DNAH11: variants seen among roughly 807,000 people sequenced by gnomAD.
The protein encoded by DNAH11 is axonemal beta dynein heavy chain 11.
DNAH11 carries 442 observed loss-of-function variants against 526.0 expected under a neutral mutation model. The ratio of observed to expected loss-of-function variants is 0.84; its 90% confidence interval spans 0.78 to 0.91. The LOEUF is 0.91. DNAH11 is among the 40% of genes least tolerant of loss of function. DNAH11 has a pLI of 0.00. For synonymous variants in DNAH11, 2,461 were observed against 1,935.9 expected, an observed-to-expected ratio of 1.27 and a Z score of -7.12; for missense variants, 6,989 against 5,448.7, an observed-to-expected ratio of 1.28 and a Z score of -8.90.
chr7:21,801,868 G>A (rs370104038), intron 62 of DNAH11, among the ~76,000 whole-genome samples: 28 of 152,272 alleles, frequency 1.8e-4, no homozygotes, highest in African/African-American at 6.0e-4. Flanking sequence ...AATGTTAATA[G>A]TTATTCCATT....
At chr7:21,843,186 G>GA (rs1326260383) in intron 66 of DNAH11, among the ~76,000 whole-genome samples, 2 of 152,112 alleles carry the variant, frequency 1.3e-5, no homozygotes, top group African/African-American at 2.4e-5. Flanking sequence ...AAACAATGCT[G>GA]AAAATACTGA....
At chr7:21,598,871 G>A (rs1212997463) in intron 14 of DNAH11, among the ~76,000 whole-genome samples, 1 of 152,164 alleles carries the variant, frequency 6.6e-6, no homozygotes, top group African/African-American at 2.4e-5. Flanking sequence ...AGTTTGCTGA[G>A]GATAATGGCC....
rs989750777 is a variant in DNAH11, at chr7:21,717,866, G to C, written c.7075G>C (p.Asp2359His). The change falls in exon 43 of 82, where the codon GAT becomes CAT. Residue 2359 changes from aspartate to histidine, a missense_variant. Physicochemically the swap from Asp to His is moderately conservative, Grantham distance 81. Coordinates refer to ENST00000409508, the MANE Select transcript of DNAH11 (RefSeq NM_001277115.2). The part of the protein sequence containing the change: ...LFDKYVPACL[D>H]KLRTSFKTIT... The stretch of plus-strand genomic sequence containing the variant: ...TGATAAATATGTCCCTGCATGCTTG[G>C]ATAAACTGAGAACAAGCTTTAAAAC... 35 of 1,613,876 alleles carry C rather than the reference G, an allele frequency of 2.2e-5. No individual in the cohort carries two copies. Among genetic ancestry groups the C allele is most frequent in the Non-Finnish European group, 3.0e-5 (35 of 1,179,808 alleles).
chr7:21,549,758 A>G (rs1365761799), intron 2 of DNAH11, among the ~76,000 whole-genome samples: 1 of 152,184 alleles, frequency 6.6e-6, no homozygotes, highest in Non-Finnish European at 1.5e-5. Context: ...CAACCCTGCA[A>G]TTGGGTAGTC....
intron 34 of DNAH11, 35 bp from the exon 35 acceptor site, chr7:21,690,730 C>G: frequency 3.4e-6 from 5 of 1,481,722 alleles, no homozygotes; most frequent in Non-Finnish European, 4.7e-6. Flanking sequence ...ATTCAATGAA[C>G]ACATTTAATT....
At chr7:21,844,356 C>T (rs1394445583) in intron 66 of DNAH11, among the ~76,000 whole-genome samples, 1 of 152,190 alleles carries the variant, frequency 6.6e-6, no homozygotes, top group African/African-American at 2.4e-5. Context: ...AACCCAGGGG[C>T]AGAGGTTGCA....
At chr7:21,608,173 C>G (rs1171217460) in intron 20 of DNAH11, among the ~76,000 whole-genome samples, 1 of 151,858 alleles carries the variant, frequency 6.6e-6, no homozygotes, top group Non-Finnish European at 1.5e-5. Flanking sequence ...ATTGTTGAGT[C>G]ATTCAATCCT....
At chr7:21,845,381 T>C (rs1485108726) in intron 66 of DNAH11, among the ~76,000 whole-genome samples, 2 of 152,226 alleles carry the variant, frequency 1.3e-5, no homozygotes, top group African/African-American at 4.8e-5. Flanking sequence ...GAGTTAATTT[T>C]TGTACGTGGT....
chr7:21,619,060 T>C (rs375166598), intron 23 of DNAH11, 40 bp from the exon 24 acceptor site: 2 of 1,611,492 alleles, frequency 1.2e-6, no homozygotes, highest in African/African-American at 1.3e-5. Context: ...ACCGTTCATA[T>C]ATGTGGAATA....
chr7:21,800,845 T>G (rs1468463224), intron 61 of DNAH11, among the ~76,000 whole-genome samples: 1 of 152,116 alleles, frequency 6.6e-6, no homozygotes, highest in East Asian at 1.9e-4. Context: ...ACGGCGTATT[T>G]GCATCTTCAG....
At chr7:21,870,626 A>G (rs1186676846) in intron 73 of DNAH11, among the ~76,000 whole-genome samples, 1 of 152,224 alleles carries the variant, frequency 6.6e-6, no homozygotes, top group Non-Finnish European at 1.5e-5. Flanking sequence ...GGCTATAGTC[A>G]TCCTCAAAAG....
At chr7:21,796,556 G>A (rs1481725134) in intron 61 of DNAH11, among the ~76,000 whole-genome samples, 2 of 152,198 alleles carry the variant, frequency 1.3e-5, no homozygotes, top group Non-Finnish European at 2.9e-5. Context: ...AAAAGAGATG[G>A]TTAGGAAGGT....
intron 55 of DNAH11, among the ~76,000 whole-genome samples, chr7:21,772,276 T>C (rs1245301578): frequency 6.6e-6 from 1 of 152,150 alleles, no homozygotes; most frequent in East Asian, 1.9e-4. Context: ...AAAGAGAGCT[T>C]TCAGCGCCTC....
chr7:21,890,413 A>C (rs1020440315), intron 76 of DNAH11, among the ~76,000 whole-genome samples: 1 of 152,230 alleles, frequency 6.6e-6, no homozygotes, highest in Non-Finnish European at 1.5e-5. Flanking sequence ...AAATGTCCCC[A>C]TGGCAGCTTA....
intron 18 of DNAH11, 25 bp from the exon 19 acceptor site, chr7:21,606,401 C>G (rs763164139): frequency 6.5e-6 from 10 of 1,549,858 alleles, no homozygotes; most frequent in Non-Finnish European, 8.8e-6. Flanking sequence ...GAAGTAATTT[C>G]GCATTTGTGC....
intron 40 of DNAH11, 44 bp downstream of exon 40, chr7:21,707,879 C>G (rs1425691252): frequency 2.0e-6 from 3 of 1,520,554 alleles, no homozygotes. Context: ...TTTTTCTATC[C>G]AGAAAGCCGT....
rs370269376 is a variant in DNAH11 at position 21,704,488 on chromosome 7, A to C, written c.6328A>C (p.Ile2110Leu). 5.8e-5 allele frequency: 93 copies of C among 1,613,722 alleles called. No individual in the cohort carries two copies. Among genetic ancestry groups the C allele is most frequent in the Non-Finnish European group, 7.5e-5 (89 of 1,179,838 alleles). Residue 2110 changes from isoleucine to leucine, a missense_variant, in exon 38 of 82, where the codon ATC becomes CTC. Ile to Leu is a conservative substitution (Grantham distance 5). Transcript: ENST00000409508. ...TATGCCCAAAATAGTGACTGACGAC[A>C]TCCCAGTGTTTCTGGGCCTGGTCGG... is the stretch of plus-strand genomic sequence containing the variant. ...FNMPKIVTDD[I>L]PVFLGLVGDL...
At chr7:21,617,968 C>G (rs1312407074) in intron 23 of DNAH11, among the ~76,000 whole-genome samples, 191 bp downstream of exon 23, 1 of 152,206 alleles carries the variant, frequency 6.6e-6, no homozygotes, top group African/African-American at 2.4e-5. Context: ...AAAAGGCACC[C>G]TCCTCCAGGC....
rs1281279461 is a variant in DNAH11 at position 21,591,402 on chromosome 7, A to G, written c.2492A>G (p.Gln831Arg). 2 of 1,613,966 alleles carry G rather than the reference A, an allele frequency of 1.2e-6. No homozygotes were observed. The highest frequency in any genetic ancestry group is 2.2e-5 in the South Asian group (2 of 91,074). Residue 831 changes from glutamine to arginine, a missense_variant, in exon 14 of 82, where the codon CAG (glutamine) becomes CGG (arginine). By Grantham distance (43) the Gln-to-Arg change is conservative (BLOSUM62 1). Coordinates refer to ENST00000409508, the MANE Select transcript of DNAH11 (RefSeq NM_001277115.2). Reference sequence around the variant, plus strand: ...TTGGAGCACAGAGTTGAGCGCACACAGAAAAACGTGAAGGTGATCCAGCAG... The same window carrying G: ...TTGGAGCACAGAGTTGAGCGCACACGGAAAAACGTGAAGGTGATCCAGCAG... ...SELEHRVERT[Q>R]KNVKVIQQTM...
Sources: allele counts gnomAD v4.1 joint callset (sites outside exome capture counted in the v4.1 genomes callset), GRCh38; gene constraint gnomAD v4.1.1; transcripts MANE v1.5; gene names NCBI Gene and HGNC (gene_info 2026-07-23, HGNC 2026-07-21).